Variants in OBSL1 observed in about 807,000 individuals in gnomAD.
OBSL1 encodes obscurin-like protein 1.
A neutral mutation model predicts 172.0 loss-of-function variants in OBSL1; 160 were observed. The ratio of observed to expected loss-of-function variants is 0.93; its 90% CI spans 0.82 to 1.06. The LOEUF (loss-of-function observed/expected upper bound fraction) is 1.06, where lower values mean the gene tolerates loss of function less well. OBSL1 is among the 50% of genes least tolerant of loss of function. The probability of loss-of-function intolerance (pLI) is 0.00; values close to 1 mark genes in which losing one functional copy is unlikely to be tolerated. For synonymous variants in OBSL1, 1,200 were observed against 1,196.3 expected (o/e 1.00, Z -0.06); for missense variants, 2,681 against 2,715.4 (o/e 0.99, Z 0.28).
chr2:219,568,189 C>T lies in OBSL1; in HGVS notation c.1148G>A (p.Cys383Tyr). ...CTCTTCGATCTGCTCGTACTTGCGG[C>T]AGGGCAGCAGCCGCTGGTCCTCACG... is the stretch of plus-strand genomic sequence containing the variant. Reference protein sequence around the residue: ...WFREDQRLLPCRKYEQIEEGT... With the variant: ...WFREDQRLLPYRKYEQIEEGT... Residue 383 changes from cysteine (C) to tyrosine (Y), a missense_variant, in exon 2 of 21, where the codon TGC becomes TAC. Physicochemically the swap from Cys to Tyr is radical, Grantham distance 194. Around this residue, in one of 5 missense-constraint regions of OBSL1, gnomAD observed 706 missense variants for 695.8 expected, o/e 1.01. Transcript: ENST00000404537. This position sits in a 1 kb window ranked among gnomAD's most constrained non-coding sequence, Gnocchi z 4.1. The T allele has an allele frequency of 6.2e-7, 1 of 1,612,672 alleles. No individual in the cohort carries two copies. The highest frequency in any genetic ancestry group is 8.5e-7 in the Non-Finnish European group (1 of 1,179,802).
intron 14 of OBSL1, 49 bp downstream of exon 14, chr2:219,555,971 G>A: frequency 1.3e-6 from 2 of 1,590,926 alleles, no homozygotes; most frequent in Admixed American, 1.7e-5. Flanking sequence ...AGCCAGAAAA[G>A]GCTGTGGTGT....
Position 219,552,756 on chromosome 2 carries a change from C to G in OBSL1, c.5147-59G>C, listed in dbSNP as rs533982731. Reference sequence around the variant, plus strand: ...GCAGAGGGCAGTTACCGGTCACGCCCCCTCCACGCCCCCTTTCTAGAAGCA... The same window carrying G: ...GCAGAGGGCAGTTACCGGTCACGCCGCCTCCACGCCCCCTTTCTAGAAGCA... On this transcript the variant is annotated intron_variant, in intron 17 of 20. Transcript: ENST00000404537. 2.3e-5 allele frequency: 35 copies of G among 1,511,490 alleles called. 1 individual carries two copies. Among genetic ancestry groups the G allele is most frequent in the African/African-American group, 1.1e-4 (8 of 72,004 alleles). The allele number at this position is 1,511,490 out of a possible 1,614,324, so 93.6% of individuals were successfully genotyped here.
Position 219,552,902 on chromosome 2 carries a change from C to G in OBSL1, c.5112G>C (p.Thr1704=), listed in dbSNP as rs1705027. The part of the protein sequence containing the change: ...DAGTYSCAVG[T]ARAGPVRLTV... ...TCAGGCGGACCGGTCCGGCGCGGGC[C>G]GTCCCCACCGCGCAGCTGTAGGTCC... Residue 1704 remains threonine, a synonymous_variant, in exon 17 of 21, where the codon ACG becomes ACC. Transcript: ENST00000404537. 6.5e-7 allele frequency: 1 copy of G among 1,540,450 alleles called. No homozygotes were observed. The highest frequency in any genetic ancestry group is 2.5e-5 in the East Asian group (1 of 40,472).
At position 219,571,421 on chromosome 2, in the gene OBSL1, C is replaced by G; in HGVS notation, c.-189G>C. The stretch of plus-strand genomic sequence containing the variant: ...TCGGCCCCGAGCTGCAGCTCTGCGG[C>G]GGCGGCGGCGGCGATTCCCGGGCCC... On this transcript the variant is annotated 5_prime_UTR_variant, in exon 1 of 21. Coordinates refer to ENST00000404537, the MANE Select transcript of OBSL1 (RefSeq NM_015311.3). 3.0e-6 allele frequency: 1 copy of G among 334,884 alleles called. No homozygotes were observed. Among genetic ancestry groups the G allele is most frequent in the Non-Finnish European group, 5.3e-6 (1 of 187,988 alleles). The allele number at this position is 334,884 out of a possible 1,614,324, so 20.7% of individuals were successfully genotyped here.
rs895515124 is a variant in OBSL1 at position 219,552,696 on chromosome 2, C to T, written c.5148G>A (p.Glu1716=). ...RAGPVRLTVR[E]RTVAVLSELR... ...GCTCGGAGAGTACCGCCACAGTACG[C>T]TCTGGGGCGGAGCCCGGGGCGTGAG... The change falls in exon 18 of 21, where the codon GAG becomes GAA. Residue 1716 remains glutamate, a splice_region_variant and synonymous_variant. Transcript: ENST00000404537. The T allele has an allele frequency of 2.0e-6, 3 of 1,522,496 alleles. No individual in the cohort carries two copies. The African/African-American group carries it at 4.1e-5, about 21-fold the overall frequency. The allele number at this position is 1,522,496 out of a possible 1,614,324, so 94.3% of individuals were successfully genotyped here.
At chr2:219,560,537 A>G (rs1406471747) in intron 8 of OBSL1, among the ~76,000 whole-genome samples, 1 of 150,280 alleles carries the variant, frequency 6.7e-6, no homozygotes, top group Non-Finnish European at 1.5e-5. Context: ...TGGGGCGACT[A>G]CTGCTCCATT....
chr2:219,554,942 G>A (rs948087223), intron 14 of OBSL1, among the ~76,000 whole-genome samples: 1 of 152,104 alleles, frequency 6.6e-6, no homozygotes, highest in African/African-American at 2.4e-5. Context: ...AGGGTTAGGA[G>A]ATGAGGGCAC....
At position 219,551,913 on chromosome 2, in the gene OBSL1, A is replaced by T. The variant is rs1695638833; in HGVS notation, c.5414-115T>A. 3.5e-6 allele frequency: 3 copies of T among 848,624 alleles called. No homozygotes were observed. The South Asian group carries it at 5.1e-5, about 14-fold the overall frequency. The allele number at this position is 848,624 out of a possible 1,614,324, so 52.6% of individuals were successfully genotyped here. A position where few individuals can be genotyped will look rare whatever the true frequency, so the allele number is the denominator to read the frequency against. On this transcript the variant is annotated intron_variant, in intron 19 of 20. Coordinates refer to ENST00000404537, the MANE Select transcript of OBSL1 (RefSeq NM_015311.3). ...CCTGGCCTTAGCCCTCTATGCCACC[A>T]GTCCGTTCCCTTGCACCTCAGACCC...
At position 219,570,265 on chromosome 2, in the gene OBSL1, T is replaced by C. The variant is rs1221626898; in HGVS notation, c.968A>G (p.Asn323Ser). Residue 323 changes from asparagine to serine, a missense_variant, in exon 1 of 21, where the codon AAC (asparagine) becomes AGC (serine). Transcript: ENST00000404537. ...GGCACTGAGCGTCTGGCCCGCCGAG[T>C]TGCGCGCGGCGCAGACGTAGAGCCC... ...DRGLYVCAAR[N>S]SAGQTLSAVQ... 5.0e-6 allele frequency: 8 copies of C among 1,596,742 alleles called. No individual in the cohort carries two copies. Among genetic ancestry groups the C allele is most frequent in the Non-Finnish European group, 6.8e-6 (8 of 1,168,964 alleles).
At chr2:219,556,823 C>T in intron 12 of OBSL1, 100 bp from the exon 13 acceptor site, 2 of 1,329,596 alleles carry the variant, frequency 1.5e-6, no homozygotes, top group Non-Finnish European at 2.0e-6. Context: ...AGTCATTTAA[C>T]AGACCTTCTG....
intron 8 of OBSL1, among the ~76,000 whole-genome samples, chr2:219,560,931 C>T (rs528672979): frequency 1.3e-5 from 2 of 152,168 alleles, no homozygotes; most frequent in African/African-American, 2.4e-5. Flanking sequence ...TTGATTCGCT[C>T]TGGCCTAGAG....
In OBSL1 at chr2:219,556,574, C is replaced by G; in HGVS notation, c.4216G>C (p.Glu1406Gln). ...GAVVTPGPQV[E>Q]MAQNGSSRIL... is the part of the protein sequence containing the mutation. The stretch of plus-strand genomic sequence containing the variant: ...CGGCTTGAACCATTCTGGGCCATCT[C>G]CACCTGGGGCCCTGGAGTGACGACG... Residue 1406 changes from glutamate (E) to glutamine (Q), a missense_variant, in exon 13 of 21, where the codon GAG (glutamate) becomes CAG (glutamine). Around this residue, in one of 5 missense-constraint regions of OBSL1, gnomAD observed 1,765 missense variants for 1,748.3 expected, o/e 1.01. Coordinates refer to ENST00000404537, the MANE Select transcript of OBSL1 (RefSeq NM_015311.3). The G allele has an allele frequency of 1.2e-6, 2 of 1,613,998 alleles. No homozygotes were observed. Among genetic ancestry groups the G allele is most frequent in the Non-Finnish European group, 1.7e-6 (2 of 1,179,900 alleles).
chr2:219,552,087 T>G, intron 19 of OBSL1, 25 bp downstream of exon 19: 1 of 1,578,466 alleles, frequency 6.3e-7, no homozygotes, highest in Non-Finnish European at 8.6e-7. Flanking sequence ...GTACACTCTC[T>G]GTCGCTCCCA....
chr2:219,557,331 G>A lies in OBSL1; in HGVS notation c.4066+12C>T, dbSNP rs1553532839. 8.8e-6 allele frequency: 13 copies of A among 1,479,906 alleles called. 1 individual carries two copies. The South Asian group carries it at 1.8e-4, about 20-fold the overall frequency. The allele number at this position is 1,479,906 out of a possible 1,614,324, so 91.7% of individuals were successfully genotyped here. On this transcript the variant is annotated intron_variant, in intron 12 of 20. Transcript: ENST00000404537. ...TGCCACAGCCCACAGGGTGTGAGGG[G>A]TACACTGTTACCTTCCACGCTGACA...
intron 18 of OBSL1, 103 bp from the exon 19 acceptor site, chr2:219,552,319 A>G: frequency 9.1e-7 from 1 of 1,100,588 alleles, no homozygotes; most frequent in Admixed American, 2.2e-5. Context: ...GGACGCCGTT[A>G]GTGTATGCTA....
chr2:219,560,491 C>T (rs973022809), intron 8 of OBSL1, among the ~76,000 whole-genome samples: 4 of 152,196 alleles, frequency 2.6e-5, no homozygotes, highest in African/African-American at 9.7e-5. Context: ...GCCCACACCC[C>T]TGCTGCCCCC....
downstream of OBSL1, chr2:219,549,164 G>A (rs770582661): frequency 5.6e-6 from 9 of 1,613,790 alleles, no homozygotes; most frequent in South Asian, 1.1e-5. Context: ...GTCATCAGCC[G>A]GCAGCGCCGA....
rs754536826 is a variant in OBSL1 at position 219,562,547 on chromosome 2, C to T, written c.2808G>A (p.Glu936=). ...WAEVRWTKDG[E]EVVESPALLL... Reference sequence around the variant, plus strand: ...GCAGCGCGGGGCTCTCCACCACCTCCTCTCCATCCTTGGTCCAGCGCACCT... The same window carrying T: ...GCAGCGCGGGGCTCTCCACCACCTCTTCTCCATCCTTGGTCCAGCGCACCT... The change falls in exon 8 of 21, where the codon GAG becomes GAA. Residue 936 remains glutamate (E), a synonymous_variant. Transcript: ENST00000404537. 2 of 1,613,828 alleles carry T rather than the reference C, an allele frequency of 1.2e-6. No individual in the cohort carries two copies. Among genetic ancestry groups the T allele is most frequent in the Non-Finnish European group, 1.7e-6 (2 of 1,179,888 alleles).
In OBSL1 at chr2:219,570,429, G is replaced by C. The variant is rs749075621; in HGVS notation, c.804C>G (p.Tyr268Ter). 6.2e-7 allele frequency: 1 copy of C among 1,613,288 alleles called. No individual in the cohort carries two copies. The highest frequency in any genetic ancestry group is 8.5e-7 in the Non-Finnish European group (1 of 1,179,608). ...NEGKHAKFRC[Y>*]VMGKPEPEIE... ...TCTCGGGCTCGGGCTTGCCCATCAC[G>C]TAGCAGCGGAACTTGGCGTGCTTGC... is the stretch of plus-strand genomic sequence containing the variant. Residue 268 changes from tyrosine to a stop codon, truncating the protein, a stop_gained, in exon 1 of 21, where the codon TAC (tyrosine) becomes TAG (stop). Transcript: ENST00000404537. LOFTEE classifies it high-confidence loss of function.
Sources: gnomAD v4.1 joint callset for allele counts (sites outside exome capture counted in the v4.1 genomes callset) on GRCh38, gnomAD v4.1.1 for gene constraint, gnomAD v4.1.1 regional missense constraint, Gnocchi (gnomAD v3.1) non-coding constraint, MANE v1.5 for transcripts, NCBI Gene and HGNC (gene_info 2026-07-23, HGNC 2026-07-21) for gene names.